Variants in RECK observed in about 807,000 individuals in gnomAD.
RECK encodes reversion-inducing cysteine-rich protein with Kazal motifs.
A neutral mutation model predicts 115.1 loss-of-function variants in RECK; 69 were observed. The observed-to-expected ratio is 0.60, with a 90% CI of 0.49 to 0.73. The LOEUF is 0.73. Among genes scored for constraint, RECK ranks in the 30% least tolerant of loss-of-function variants. The pLI is 0.00. For missense variants in RECK, 1,047 were observed against 1,203.7 expected (o/e 0.87, Z 1.93); for synonymous variants, 414 against 419.7 (o/e 0.99, Z 0.17).
intron 2 of RECK, chr9:36,056,924 G>T: frequency 2.1e-6 from 2 of 966,896 alleles, no homozygotes; most frequent in Non-Finnish European, 2.5e-6. Flanking sequence ...TAGTTTTGGA[G>T]GAAAATGGCT....
At chr9:36,075,238 C>T (rs1407765349) in intron 6 of RECK, among the ~76,000 whole-genome samples, 2 of 152,192 alleles carry the variant, frequency 1.3e-5, no homozygotes, top group African/African-American at 4.8e-5. Flanking sequence ...AAATTGGGGC[C>T]ATTACTGTAG....
At position 36,121,613 on chromosome 9, in the gene RECK, G is replaced by A. The variant is rs759506608; in HGVS notation, c.2619G>A (p.Val873=). The A allele has an allele frequency of 1.2e-6, 2 of 1,614,060 alleles. No homozygotes were observed. The highest frequency in any genetic ancestry group is 8.5e-7 in the Non-Finnish European group (1 of 1,179,982). The change falls in exon 20 of 21, where the codon GTG becomes GTA. Residue 873 remains valine, a synonymous_variant. Coordinates refer to ENST00000377966, the MANE Select transcript of RECK (RefSeq NM_021111.3). ...ACGTGTCTGTCCCACAGTGTGATGT[G>A]TTTGGATACTTCAGCATTGAATCAG... ...RMHVSVPQCD[V]FGYFSIESEI...
At chr9:36,100,115 CAAGAATCTGTTA>C (rs1823505522) in intron 10 of RECK, among the ~76,000 whole-genome samples, 1 of 152,194 alleles carries the variant, frequency 6.6e-6, no homozygotes, top group Admixed American at 6.5e-5. Flanking sequence ...AACTGCCCCA[CAAGAATCTGTTA>C]AAAAGAAAAC....
chr9:36,120,946 C>T (rs1281289308), intron 19 of RECK, among the ~76,000 whole-genome samples: 1 of 152,238 alleles, frequency 6.6e-6, no homozygotes, highest in Non-Finnish European at 1.5e-5. Context: ...CCCCCCTACA[C>T]CCTGGCTGTG....
chr9:36,079,801 C>G (rs952599169), intron 6 of RECK, among the ~76,000 whole-genome samples: 1 of 152,140 alleles, frequency 6.6e-6, no homozygotes, highest in Non-Finnish European at 1.5e-5. Context: ...AGCTGACAAG[C>G]CCTAAATATC....
chr9:36,058,871 G>T lies in RECK; in HGVS notation c.204G>T (p.Gln68His). The change falls in exon 3 of 21, where the codon CAG (glutamine) becomes CAT (histidine). Residue 68 changes from glutamine to histidine, a missense_variant. By Grantham distance (24) the Gln-to-His change is conservative. Transcript: ENST00000377966. ...KSESRLKHLL[Q>H]RAPDYCPETM... ...AATCCCGACTAAAACATCTGTTGCAGCGAGCCCCAGATTATTGCCCAGAGA... is the reference window on the plus strand; with the variant it reads ...AATCCCGACTAAAACATCTGTTGCATCGAGCCCCAGATTATTGCCCAGAGA... The T allele has an allele frequency of 1.9e-6, 3 of 1,586,180 alleles. No homozygotes were observed. Among genetic ancestry groups the T allele is most frequent in the Non-Finnish European group, 2.6e-6 (3 of 1,164,228 alleles).
At chr9:36,074,795 A>G (rs1017881659) in intron 6 of RECK, among the ~76,000 whole-genome samples, 15 of 152,200 alleles carry the variant, frequency 9.9e-5, no homozygotes, top group African/African-American at 3.4e-4. Flanking sequence ...TCTGAGTACT[A>G]TCTATTATCC....
At chr9:36,095,260 G>T (rs1823294066) in intron 10 of RECK, among the ~76,000 whole-genome samples, 1 of 152,120 alleles carries the variant, frequency 6.6e-6, no homozygotes, top group African/African-American at 2.4e-5. Context: ...TGAAATGGAT[G>T]CATTCCTTAA....
intron 6 of RECK, among the ~76,000 whole-genome samples, chr9:36,071,166 G>T (rs1326337621): frequency 6.6e-6 from 1 of 152,200 alleles, no homozygotes; most frequent in East Asian, 1.9e-4. Flanking sequence ...TTTCCAGGGG[G>T]TGTGAAATAC....
In RECK at chr9:36,122,281, C is replaced by T. The variant is rs554486572; in HGVS notation, c.2695-543C>T. ...CTGTGAATCACTAGGAAGTTCATCT[C>T]GTCGTTGTTTTCCTTTTCATGTTTC... On this transcript the variant is annotated intron_variant, in intron 20 of 20. Coordinates refer to ENST00000377966, the MANE Select transcript of RECK (RefSeq NM_021111.3). Among the ~76,000 whole-genome samples, 19 of 152,280 alleles carry T rather than the reference C, an allele frequency of 1.2e-4. 1 individual carries two copies. In the South Asian group the frequency reaches 2.9e-3, roughly 23 times the overall value.
At chr9:36,089,933 G>A (rs925588570) in intron 9 of RECK, among the ~76,000 whole-genome samples, 3 of 150,768 alleles carry the variant, frequency 2.0e-5, no homozygotes, top group Non-Finnish European at 4.4e-5. Context: ...AGACCAGCCT[G>A]GTCAACATGG....
rs1370532640 is a variant in RECK, at chr9:36,094,201, T to C, written c.1085+2858T>C. ...AAATATTTTTTCTTTATTTTCTTTTTCTTTTTTTTCTTTTGTATTTTATTT... is the reference window on the plus strand; with the variant it reads ...AAATATTTTTTCTTTATTTTCTTTTCCTTTTTTTTCTTTTGTATTTTATTT... On this transcript the variant is annotated intron_variant, in intron 10 of 20. Coordinates refer to ENST00000377966, the MANE Select transcript of RECK (RefSeq NM_021111.3). This position sits in a 1 kb window ranked among gnomAD's most constrained non-coding sequence, Gnocchi z 4.1. Among the ~76,000 whole-genome samples, 1 of 147,370 alleles carries C rather than the reference T, an allele frequency of 6.8e-6. No homozygotes were observed. The highest frequency in any genetic ancestry group is 1.5e-5 in the Non-Finnish European group (1 of 66,114).
chr9:36,053,852 A>G (rs1420709683), intron 2 of RECK, among the ~76,000 whole-genome samples: 1 of 152,184 alleles, frequency 6.6e-6, no homozygotes, highest in Non-Finnish European at 1.5e-5. Flanking sequence ...TTCTTCCCCA[A>G]CCAAGTTCTT....
intron 12 of RECK, among the ~76,000 whole-genome samples, chr9:36,103,796 C>T (rs1371872352): frequency 3.3e-5 from 5 of 152,200 alleles, no homozygotes; most frequent in Non-Finnish European, 7.3e-5. Context: ...GAGCAGATCA[C>T]TTCTTTGAGC....
At chr9:36,096,024 C>T (rs1351181320) in intron 10 of RECK, among the ~76,000 whole-genome samples, 1 of 138,984 alleles carries the variant, frequency 7.2e-6, no homozygotes, top group African/African-American at 2.7e-5. Context: ...GCTGAGATCA[C>T]ATCATTGCAC....
intron 7 of RECK, among the ~76,000 whole-genome samples, chr9:36,080,928 C>T (rs550871695): frequency 8.8e-4 from 134 of 152,252 alleles, no homozygotes; most frequent in Non-Finnish European, 2.9e-4. Flanking sequence ...ATTCAACAGA[C>T]GTTGATTGAG....
At chr9:36,111,660 C>T (rs148189076) in intron 15 of RECK, among the ~76,000 whole-genome samples, 1,625 of 152,274 alleles carry the variant, frequency 0.011, 35 homozygotes, top group African/African-American at 0.035. Flanking sequence ...TCTCAAAGTG[C>T]TGGGATTACA....
chr9:36,073,043 A>G (rs1822294801), intron 6 of RECK, among the ~76,000 whole-genome samples: 1 of 147,646 alleles, frequency 6.8e-6, no homozygotes, highest in Non-Finnish European at 1.5e-5. Context: ...CTTCATTGCT[A>G]ACCTTTTTTT....
chr9:36,097,803 G>A (rs1034300717), intron 10 of RECK, among the ~76,000 whole-genome samples: 1 of 152,162 alleles, frequency 6.6e-6, no homozygotes, highest in African/African-American at 2.4e-5. Context: ...TGAATGAATG[G>A]ATAAAGAATA....
Sources: allele counts gnomAD v4.1 joint callset (sites outside exome capture counted in the v4.1 genomes callset), GRCh38; gene constraint gnomAD v4.1.1; non-coding constraint Gnocchi (gnomAD v3.1); transcripts MANE v1.5; gene names NCBI Gene and HGNC (gene_info 2026-07-23, HGNC 2026-07-21).